The following RASGEF1C variants were observed in gnomAD, a reference collection of about 807,000 sequenced individuals.
The protein encoded by RASGEF1C is RasGEF domain family member 1C.
In RASGEF1C, 27 loss-of-function variants were observed where a neutral mutation model predicts 58.1. The ratio of observed to expected loss-of-function variants is 0.46; its 90% CI spans 0.34 to 0.64. RASGEF1C has a LOEUF of 0.64. RASGEF1C is among the 30% of genes least tolerant of loss of function. RASGEF1C has a pLI of 0.01. For synonymous variants in RASGEF1C, 243 were observed against 246.3 expected (o/e 0.99, Z 0.13); for missense variants, 502 against 605.1 (o/e 0.83, Z 1.79).
intron 9 of RASGEF1C, 27 bp from the exon 10 acceptor site, chr5:180,118,731 G>A: frequency 6.2e-7 from 1 of 1,613,866 alleles, no homozygotes; most frequent in East Asian, 2.2e-5. Context: ...AGGCATGTGG[G>A]CAGTTCTGTC....
At chr5:180,204,635 TATC>T (rs1756458429) in intron 1 of RASGEF1C, among the ~76,000 whole-genome samples, 1 of 152,028 alleles carries the variant, frequency 6.6e-6, no homozygotes, top group Non-Finnish European at 1.5e-5. Flanking sequence ...TCTATCTATC[TATC>T]TATCTATCTA....
At position 180,136,440 on chromosome 5, in the gene RASGEF1C, G is replaced by A. The variant is rs1275122237; in HGVS notation, c.376C>T (p.Gln126Ter). Residue 126 changes from glutamine (Q) to a stop codon, truncating the protein, a stop_gained, in exon 4 of 14, where the codon CAG (glutamine) becomes TAG (stop). Coordinates refer to ENST00000361132, the MANE Select transcript of RASGEF1C (RefSeq NM_175062.4). LOFTEE classifies it high-confidence loss of function. ...AGGTGCCCGATAGTCGACTCTTCCT[G>A]GAAGTCCCTTGGGAAGGTCTCGGTC... is the stretch of plus-strand genomic sequence containing the variant. Reference protein sequence around the residue: ...EWTETFPRDFQEESTIGHLKD... With the variant: ...EWTETFPRDF The A allele has an allele frequency of 1.3e-6, 2 of 1,561,326 alleles. No individual in the cohort carries two copies. Among genetic ancestry groups the A allele is most frequent in the South Asian group, 2.4e-5 (2 of 84,914 alleles).
At chr5:180,110,105 G>A (rs1465017861) in intron 12 of RASGEF1C, among the ~76,000 whole-genome samples, 5 of 152,158 alleles carry the variant, frequency 3.3e-5, no homozygotes, top group Non-Finnish European at 7.3e-5. Flanking sequence ...GCAGCTCCAG[G>A]CATTCTCCCC....
In RASGEF1C at chr5:180,128,452, G is replaced by A. The variant is rs1301284057; in HGVS notation, c.597C>T (p.Ser199=). 11 of 1,613,846 alleles carry A rather than the reference G, an allele frequency of 6.8e-6. No individual in the cohort carries two copies. The highest frequency in any genetic ancestry group is 4.4e-5 in the South Asian group (4 of 91,074). Residue 199 remains serine (S), a synonymous_variant, in exon 5 of 14, where the codon AGC becomes AGT. Transcript: ENST00000361132. Reference sequence around the variant, plus strand: ...GCTGCTGGGCCAGTGTGTAGGGGTCGCTGCAGACACCAAGGAGCTCCCTGT... The same window carrying A: ...GCTGCTGGGCCAGTGTGTAGGGGTCACTGCAGACACCAAGGAGCTCCCTGT... The part of the protein sequence containing the change: ...SIHRELLGVC[S]DPYTLAQQLT...
At chr5:180,152,109 A>G (rs937051580) in intron 1 of RASGEF1C, among the ~76,000 whole-genome samples, 6 of 151,722 alleles carry the variant, frequency 4.0e-5, no homozygotes, top group African/African-American at 7.2e-5. Context: ...GAACACTTTT[A>G]CACTGTTGGT....
At chr5:180,134,742 C>T (rs1261153214) in intron 4 of RASGEF1C, among the ~76,000 whole-genome samples, 1 of 147,666 alleles carries the variant, frequency 6.8e-6, no homozygotes, top group African/African-American at 2.5e-5. Flanking sequence ...CCCATCTCTT[C>T]ACCCAGCTGC....
chr5:180,144,211 A>T (rs1581106179), intron 1 of RASGEF1C, among the ~76,000 whole-genome samples: 3 of 152,188 alleles, frequency 2.0e-5, no homozygotes, highest in Admixed American at 1.3e-4. Flanking sequence ...TGCCAACTGC[A>T]CCGCCATGGT....
At chr5:180,127,980 G>C (rs748038127) in intron 5 of RASGEF1C, among the ~76,000 whole-genome samples, 1 of 152,208 alleles carries the variant, frequency 6.6e-6, no homozygotes, top group Non-Finnish European at 1.5e-5. Context: ...CTTCCTCTGC[G>C]GGGTGGAGGG....
chr5:180,129,103 G>A (rs999690332), intron 4 of RASGEF1C, among the ~76,000 whole-genome samples: 4 of 152,222 alleles, frequency 2.6e-5, no homozygotes, highest in Admixed American at 2.6e-4. Flanking sequence ...AGAGAGACAG[G>A]AGGTCAGTGG....
At chr5:180,190,351 G>T (rs554350824) in intron 1 of RASGEF1C, among the ~76,000 whole-genome samples, 1 of 151,610 alleles carries the variant, frequency 6.6e-6, no homozygotes, top group South Asian at 2.1e-4. Context: ...TTAGCCGGGC[G>T]TGGTGGCGGG....
At chr5:180,180,311 C>A (rs976902350) in intron 1 of RASGEF1C, among the ~76,000 whole-genome samples, 7 of 152,242 alleles carry the variant, frequency 4.6e-5, no homozygotes, top group African/African-American at 1.7e-4. Context: ...GGCCTGGCCG[C>A]TGCTGTCAGA....
At chr5:180,188,187 T>C (rs959825659) in intron 1 of RASGEF1C, among the ~76,000 whole-genome samples, 3 of 152,162 alleles carry the variant, frequency 2.0e-5, no homozygotes, top group Non-Finnish European at 4.4e-5. Context: ...ACTGCATAAA[T>C]GAACCTCAGA....
In RASGEF1C at chr5:180,177,746, G is replaced by A. The variant is rs1767254810; in HGVS notation, c.-7+31282C>T. 6.6e-6 allele frequency among the ~76,000 whole-genome samples: 1 copy of A among 152,202 alleles called. No individual in the cohort carries two copies. Among genetic ancestry groups the A allele is most frequent in the African/African-American group, 2.4e-5 (1 of 41,452 alleles). On this transcript the variant is annotated intron_variant, in intron 1 of 13. Transcript: ENST00000361132. This position sits in a 1 kb window ranked among gnomAD's most constrained non-coding sequence, Gnocchi z 5.0. ...CTGGGATAAATCCATGGGCAGGCATGTCACCTGGGTGGGCCACCAGACTCA... is the reference window on the plus strand; with the variant it reads ...CTGGGATAAATCCATGGGCAGGCATATCACCTGGGTGGGCCACCAGACTCA...
chr5:180,129,451 C>G (rs971992209), intron 4 of RASGEF1C, among the ~76,000 whole-genome samples: 2 of 152,172 alleles, frequency 1.3e-5, no homozygotes, highest in African/African-American at 4.8e-5. Flanking sequence ...AACCCCGCCA[C>G]CAGAGCACAG....
chr5:180,102,799 A>G (rs570987553), intron 12 of RASGEF1C, among the ~76,000 whole-genome samples: 2 of 152,264 alleles, frequency 1.3e-5, no homozygotes, highest in African/African-American at 2.4e-5. Context: ...CTTAACGACC[A>G]TAGCGCTATC....
At chr5:180,149,295 C>T (rs557125028) in intron 1 of RASGEF1C, among the ~76,000 whole-genome samples, 2 of 150,774 alleles carry the variant, frequency 1.3e-5, no homozygotes, top group African/African-American at 4.9e-5. Flanking sequence ...ACCATGTTGG[C>T]CAGGATGGTC....
intron 4 of RASGEF1C, among the ~76,000 whole-genome samples, 192 bp from the exon 5 acceptor site, chr5:180,128,802 G>A (rs2113267046): frequency 6.6e-6 from 1 of 152,328 alleles, no homozygotes; most frequent in African/African-American, 2.4e-5. Flanking sequence ...GCCAGGGTGG[G>A]GCCACCTGGC....
At position 180,137,010 on chromosome 5, in the gene RASGEF1C, A is replaced by G. The variant is rs745543138; in HGVS notation, c.301-495T>C. Among the ~76,000 whole-genome samples the G allele has an allele frequency of 9.2e-5, 14 of 152,144 alleles. No homozygotes were observed. Among genetic ancestry groups the G allele is most frequent in the Non-Finnish European group, 1.9e-4 (13 of 68,024 alleles). ...GAGCCTGGTGCGGTGGAGGCGGCCA[A>G]GCGCCACACCAGCCAGCCCGAGGGA... On this transcript the variant is annotated intron_variant, in intron 3 of 13. Coordinates refer to ENST00000361132, the MANE Select transcript of RASGEF1C (RefSeq NM_175062.4). The surrounding 1 kb of genome is among the most constrained non-coding windows in gnomAD (Gnocchi z 4.1).
Position 180,155,165 on chromosome 5 carries a change from A to G in RASGEF1C, c.-6-17107T>C, listed in dbSNP as rs1766830157. Among the ~76,000 whole-genome samples, 1 of 152,166 alleles carries G rather than the reference A, an allele frequency of 6.6e-6. No homozygotes were observed. Among genetic ancestry groups the G allele is most frequent in the Admixed American group, 6.5e-5 (1 of 15,280 alleles). ...CCTTGCACAGAAACCTCAAGGGAGG[A>G]AAGCCCCCAACCCTGAGTATGGGTC... On this transcript the variant is annotated intron_variant, in intron 1 of 13. Transcript: ENST00000361132. This position sits in a 1 kb window ranked among gnomAD's most constrained non-coding sequence, Gnocchi z 5.2.
Sources: allele counts gnomAD v4.1 joint callset (sites outside exome capture counted in the v4.1 genomes callset), GRCh38; gene constraint gnomAD v4.1.1; non-coding constraint Gnocchi (gnomAD v3.1); transcripts MANE v1.5; gene names NCBI Gene and HGNC (gene_info 2026-07-23, HGNC 2026-07-21).